Variants in WDR89 observed in about 807,000 individuals in gnomAD.
WDR89 encodes WD repeat-containing protein 89.
Under a neutral mutation model 29.1 loss-of-function variants are expected in WDR89, and 17 were observed. The ratio of observed to expected loss-of-function variants is 0.58; its 90% CI spans 0.40 to 0.88. The LOEUF is 0.88. Among genes scored for constraint, WDR89 ranks in the 40% least tolerant of loss-of-function variants. The pLI, the probability that WDR89 is intolerant of heterozygous loss-of-function variation, is 0.00. For missense variants in WDR89, 396 were observed against 456.3 expected (o/e 0.87, Z 1.20); for synonymous variants, 138 against 157.8 (o/e 0.87, Z 0.94).
At chr14:63,628,931 CCT>C (rs1482826683) in intron 1 of WDR89, among the ~76,000 whole-genome samples, 1 of 150,488 alleles carries the variant, frequency 6.6e-6, no homozygotes, top group Non-Finnish European at 1.5e-5. Flanking sequence ...AATGTGAGAC[CCT>C]GTCTCAAAAA....
At chr14:63,621,793 ATT>A (rs1882710220) in intron 2 of WDR89, 2 of 152,260 alleles carry the variant, frequency 1.3e-5, no homozygotes, top group Non-Finnish European at 2.9e-5. Context: ...ATCCCAACTG[ATT>A]GCTCACAGTC....
intron 2 of WDR89, among the ~76,000 whole-genome samples, chr14:63,619,379 T>C (rs1348534414): frequency 6.6e-6 from 1 of 152,220 alleles, no homozygotes; most frequent in Non-Finnish European, 1.5e-5. Flanking sequence ...GGCTAAATGC[T>C]ATTTAGCTTA....
chr14:63,635,026 A>C (rs533016379), intron 1 of WDR89, among the ~76,000 whole-genome samples: 1 of 151,994 alleles, frequency 6.6e-6, no homozygotes, highest in Admixed American at 6.6e-5. Context: ...AAAAAAAAAA[A>C]TGGATTCACA....
intron 2 of WDR89, among the ~76,000 whole-genome samples, chr14:63,606,602 T>C: frequency 6.6e-6 from 1 of 152,008 alleles, no homozygotes; most frequent in East Asian, 1.9e-4. Context: ...AAGTATGTAG[T>C]AGGCTATACT....
rs1555374904 is a variant in WDR89, at chr14:63,620,022, A to AG, written c.-32+4905_-32+4906insC. Among the ~76,000 whole-genome samples the AG allele has an allele frequency of 4.7e-3, 718 of 151,624 alleles. 4 individuals carry two copies. The highest frequency in any genetic ancestry group is 7.4e-3 in the Non-Finnish European group (505 of 67,848). ...TCCATCTCAAAAAAAAAAAAAAAAAAAAGAAAAAGAAGAAATCAGTATGTC... is the reference window on the plus strand; with the variant it reads ...TCCATCTCAAAAAAAAAAAAAAAAAAGAAGAAAAAGAAGAAATCAGTATGTC... On this transcript the variant is annotated intron_variant, in intron 2 of 2. Coordinates refer to ENST00000620954, the MANE Select transcript of WDR89 (RefSeq NM_080666.4).
At position 63,598,829 on chromosome 14, in the gene WDR89, G is replaced by A. The variant is rs545435704; in HGVS notation, c.1114C>T (p.Arg372Ter). 11 of 1,611,614 alleles carry A rather than the reference G, an allele frequency of 6.8e-6. No individual in the cohort carries two copies. The highest frequency in any genetic ancestry group is 2.2e-5 in the East Asian group (1 of 44,876). ...GAATCATTACTATGAACTCGTACTC[G>A]TTGGTGCACAGAGGATGCTATTTTC... ...SMKIASSVHQ[R>*]VRVHSNDSYK... Residue 372 changes from arginine (R) to a stop codon, truncating the protein, a stop_gained, in exon 3 of 3, where the codon CGA becomes TGA. Coordinates refer to ENST00000620954, the MANE Select transcript of WDR89 (RefSeq NM_080666.4). LOFTEE classifies it high-confidence loss of function.
intron 2 of WDR89, chr14:63,601,717 T>G: frequency 1.9e-6 from 3 of 1,571,856 alleles, no homozygotes; most frequent in Non-Finnish European, 2.6e-6. Flanking sequence ...GGAGATAAAG[T>G]TCTTCTCCCA....
At chr14:63,621,095 A>AT (rs1394596133) in intron 2 of WDR89, among the ~76,000 whole-genome samples, 2 of 152,062 alleles carry the variant, frequency 1.3e-5, no homozygotes, top group East Asian at 3.8e-4. Flanking sequence ...TAAAAAATAC[A>AT]TTTTTTTAAA....
At chr14:63,621,968 G>C (rs1882720705) in intron 2 of WDR89, 1 of 152,304 alleles carries the variant, frequency 6.6e-6, no homozygotes, top group African/African-American at 2.4e-5. Flanking sequence ...GGCAGAAACA[G>C]TATGATAACA....
intron 2 of WDR89, among the ~76,000 whole-genome samples, chr14:63,619,372 T>C (rs1273636874): frequency 6.6e-6 from 1 of 152,184 alleles, no homozygotes; most frequent in African/African-American, 2.4e-5. Flanking sequence ...TTTCCAAGGC[T>C]AAATGCTATT....
At chr14:63,605,164 C>G (rs890041251) in intron 2 of WDR89, among the ~76,000 whole-genome samples, 1 of 133,720 alleles carries the variant, frequency 7.5e-6, no homozygotes, top group Non-Finnish European at 1.5e-5. Flanking sequence ...CTCTCTCTCT[C>G]TCTATATATA....
In WDR89 at chr14:63,597,456, C is replaced by T. The variant is rs567880984; in HGVS notation, c.*1323G>A. On this transcript the variant is annotated 3_prime_UTR_variant, in exon 3 of 3. Transcript: ENST00000620954. ...AAAACTGTTAGTCTGGTTTTGACCC[C>T]TGTATTTATCTTCTGTGGCTTTCAT... 6.6e-6 allele frequency: 1 copy of T among 152,280 alleles called. No homozygotes were observed. Among genetic ancestry groups the T allele is most frequent in the East Asian group, 1.9e-4 (1 of 5,182 alleles). The allele number at this position is 152,280 out of a possible 1,614,324, so 9.4% of individuals were successfully genotyped here.
At position 63,597,503 on chromosome 14, in the gene WDR89, G is replaced by A. The variant is rs1339358264; in HGVS notation, c.*1276C>T. ...TCATCTTTTCTCTTTGTCTCTTTCA[G>A]TTCTACTTTCAGGAATATTTTCTCA... On this transcript the variant is annotated 3_prime_UTR_variant, in exon 3 of 3. Coordinates refer to ENST00000620954, the MANE Select transcript of WDR89 (RefSeq NM_080666.4). 6.6e-6 allele frequency: 1 copy of A among 151,798 alleles called. No homozygotes were observed. The allele number at this position is 151,798 out of a possible 1,614,324, so 9.4% of individuals were successfully genotyped here.
rs1459747894 is a variant in WDR89, at chr14:63,597,469, C to G, written c.*1310G>C. ...TGGTTTTGACCCCTGTATTTATCTT[C>G]TGTGGCTTTCATCTTTTCTCTTTGT... is the stretch of plus-strand genomic sequence containing the variant. On this transcript the variant is annotated 3_prime_UTR_variant, in exon 3 of 3. Transcript: ENST00000620954. The G allele has an allele frequency of 1.3e-5, 2 of 152,192 alleles. No homozygotes were observed. Among genetic ancestry groups the G allele is most frequent in the Non-Finnish European group, 2.9e-5 (2 of 68,034 alleles). The allele number at this position is 152,192 out of a possible 1,614,324, so 9.4% of individuals were successfully genotyped here.
At chr14:63,640,213 T>C (rs1207854719) in intron 1 of WDR89, among the ~76,000 whole-genome samples, 1 of 152,190 alleles carries the variant, frequency 6.6e-6, no homozygotes, top group African/African-American at 2.4e-5. Context: ...CGGCCATAGG[T>C]TGCAGTGCAG....
At position 63,641,819 on chromosome 14, in the gene WDR89, C is replaced by G. The variant is rs551661552; in HGVS notation, c.-153G>C. Reference sequence around the variant, plus strand: ...CAAAATGTACCTTAGTAGCCTCAACCTGTACCGGAGAAAACGCAGGCTGCG... The same window carrying G: ...CAAAATGTACCTTAGTAGCCTCAACGTGTACCGGAGAAAACGCAGGCTGCG... On this transcript the variant is annotated 5_prime_UTR_variant, in exon 1 of 3. Coordinates refer to ENST00000620954, the MANE Select transcript of WDR89 (RefSeq NM_080666.4). 1 of 152,540 alleles carries G rather than the reference C, an allele frequency of 6.6e-6. No individual in the cohort carries two copies. The highest frequency in any genetic ancestry group is 2.4e-5 in the African/African-American group (1 of 41,596). 9.4% of individuals were successfully genotyped at this position (152,540 alleles called of 1,614,324 possible). A position where few individuals can be genotyped will look rare whatever the true frequency, so the allele number is the denominator to read the frequency against.
At chr14:63,637,588 A>G (rs1015639213) in intron 1 of WDR89, among the ~76,000 whole-genome samples, 1 of 152,140 alleles carries the variant, frequency 6.6e-6, no homozygotes, top group Non-Finnish European at 1.5e-5. Flanking sequence ...GTGTGTATAT[A>G]TATGTGTATA....
intron 2 of WDR89, chr14:63,621,896 A>G (rs1373532435): frequency 6.6e-6 from 1 of 152,224 alleles, no homozygotes; most frequent in Non-Finnish European, 1.5e-5. Context: ...AAATACGATC[A>G]GAAAAACACA....
At chr14:63,603,380 C>CA (rs1163982483) in intron 2 of WDR89, among the ~76,000 whole-genome samples, 1 of 152,114 alleles carries the variant, frequency 6.6e-6, no homozygotes, top group Non-Finnish European at 1.5e-5. Flanking sequence ...AGCATCTCTC[C>CA]AACCTTCTGT....
Sources: allele counts gnomAD v4.1 joint callset (sites outside exome capture counted in the v4.1 genomes callset), GRCh38; gene constraint gnomAD v4.1.1; transcripts MANE v1.5; gene names NCBI Gene and HGNC (gene_info 2026-07-23, HGNC 2026-07-21).